S100A13: variants seen among roughly 807,000 people sequenced by gnomAD.
The protein encoded by S100A13 is S100 calcium binding protein A13.
A neutral mutation model predicts 8.2 loss-of-function variants in S100A13; 6 were observed. That is an observed-to-expected ratio of 0.73 (90% CI 0.40 to 1.44). The LOEUF is 1.44. S100A13 is among the 40% of genes most tolerant of loss of function. S100A13 has a pLI of 0.02. For missense variants in S100A13, 114 were observed against 113.6 expected (o/e 1.00, Z -0.02); for synonymous variants, 39 against 45.9 (o/e 0.85, Z 0.61).
At chr1:153,631,953 C>A (rs1668040351), upstream of S100A13, 3 of 1,153,894 alleles carry the variant, frequency 2.6e-6, no homozygotes, top group Non-Finnish European at 3.6e-6. Context: ...CCCTTGCCCA[C>A]CCCACCCCCA....
upstream of S100A13, chr1:153,630,070 C>G (rs774387103): frequency 4.3e-4 from 84 of 193,614 alleles, no homozygotes; most frequent in Non-Finnish European, 7.3e-5. Flanking sequence ...ACACCCCAGC[C>G]CACCACCCTC....
At chr1:153,619,063 T>G in intron 2 of S100A13, 25 bp from the exon 3 acceptor site, 1 of 1,606,758 alleles carries the variant, frequency 6.2e-7, no homozygotes, top group Non-Finnish European at 8.5e-7. Context: ...AAGGGAAGGG[T>G]AGAGTTAGAA....
chr1:153,627,440 A>T (rs1185756511), intron 1 of S100A13, 43 bp downstream of exon 1: 1 of 152,204 alleles, frequency 6.6e-6, no homozygotes, highest in Non-Finnish European at 1.5e-5. Context: ...CAGGAAGAAA[A>T]AATGATCTCC....
rs1557919694 is a variant in S100A13 at position 153,618,979 on chromosome 1, GA to G, written c.212del (p.Leu71ProfsTer9). The G allele has an allele frequency of 6.2e-7, 1 of 1,613,870 alleles. No homozygotes were observed. The highest frequency in any genetic ancestry group is 1.1e-5 in the South Asian group (1 of 91,064). ...TCAATCTCCAGTACTCATTGAACTT[GA>G]GCTCCGAGTCCTGATTCACATCCAA... is the stretch of plus-strand genomic sequence containing the variant. Reference protein sequence around the residue: ...KSLDVNQDSELKFNEYWRLIG... With the variant: ...KSLDVNQDSEXKFNEYWRLIG... On this transcript the variant is annotated frameshift_variant, in exon 3 of 3. Transcript: ENST00000476133. LOFTEE classifies it high-confidence loss of function.
At chr1:153,628,121 C>A, upstream of S100A13, 1 of 1,550,532 alleles carries the variant, frequency 6.4e-7, no homozygotes, top group Admixed American at 2.0e-5. Flanking sequence ...CCCCCCTTAC[C>A]GGGCTCAACC....
At chr1:153,631,592 T>C, upstream of S100A13, 3 of 1,613,776 alleles carry the variant, frequency 1.9e-6, no homozygotes. Context: ...TTCAATGCAG[T>C]TCCTCTCGCT....
At chr1:153,632,921 G>C (rs1283926581), upstream of S100A13, 1 of 152,198 alleles carries the variant, frequency 6.6e-6, no homozygotes, top group Non-Finnish European at 1.5e-5. Context: ...TGTAGTCCCA[G>C]CACTTTGGGA....
upstream of S100A13, chr1:153,630,494 G>A (rs765480396): frequency 9.3e-6 from 15 of 1,612,806 alleles, 1 homozygote; most frequent in Admixed American, 2.0e-4. Flanking sequence ...TCACTTCCAT[G>A]ATGGGGGTGG....
rs745352118 is a variant in S100A13 at position 153,618,946 on chromosome 1, C to T, written c.246G>A (p.Glu82=). ...TCTTCTTCCTGATTTCCTTGGCCAGCTCCCCAATCAATCTCCAGTACTCAT... is the reference window on the plus strand; with the variant it reads ...TCTTCTTCCTGATTTCCTTGGCCAGTTCCCCAATCAATCTCCAGTACTCAT... ...KFNEYWRLIG[E]LAKEIRKKKD... is the part of the protein sequence containing the mutation. The change falls in exon 3 of 3, where the codon GAG becomes GAA. Residue 82 remains glutamate, a synonymous_variant. Transcript: ENST00000476133. The T allele has an allele frequency of 3.7e-6, 6 of 1,613,990 alleles. No homozygotes were observed. The African/African-American group carries it at 8.0e-5, about 22-fold the overall frequency.
intron 2 of S100A13, among the ~76,000 whole-genome samples, chr1:153,624,547 G>GA (rs34952512): frequency 0.057 from 6,164 of 109,084 alleles, 179 homozygotes; most frequent in African/African-American, 0.12. Context: ...TTGAATTTAG[G>GA]AAAAAAAAAA....
chr1:153,631,990 G>C, upstream of S100A13: 1 of 786,930 alleles, frequency 1.3e-6, no homozygotes, highest in Non-Finnish European at 1.9e-6. Flanking sequence ...AAGAGTAGCG[G>C]TCCAAGCCTG....
chr1:153,628,495 C>T (rs1339157401), upstream of S100A13: 3 of 1,550,604 alleles, frequency 1.9e-6, no homozygotes, highest in Non-Finnish European at 1.7e-6. Context: ...CCCAGGCCAA[C>T]CGTGAGTACC....
chr1:153,626,415 A>T lies in S100A13; in HGVS notation c.58T>A (p.Phe20Ile). ...CCCTCCTGCCTTGCAAAGGTGAAGAAGGTGGTGACCACGGTCTCAATGGAC... is the reference window on the plus strand; with the variant it reads ...CCCTCCTGCCTTGCAAAGGTGAAGATGGTGGTGACCACGGTCTCAATGGAC... ...EESIETVVTTFFTFARQEGRK... is the reference protein window; with the variant it reads ...EESIETVVTTIFTFARQEGRK... Residue 20 changes from phenylalanine to isoleucine, a missense_variant, in exon 2 of 3, where the codon TTC (phenylalanine) becomes ATC (isoleucine). Coordinates refer to ENST00000476133, the MANE Select transcript of S100A13 (RefSeq NM_001024211.2). 1 of 1,614,190 alleles carries T rather than the reference A, an allele frequency of 6.2e-7. No individual in the cohort carries two copies. The highest frequency in any genetic ancestry group is 1.6e-4 in the Middle Eastern group (1 of 6,062).
In S100A13 at chr1:153,627,040, C is replaced by T. The variant is rs147570520; in HGVS notation, c.-62+443G>A. 179 of 153,970 alleles carry T rather than the reference C, an allele frequency of 1.2e-3. 1 individual carries two copies. The highest frequency in any genetic ancestry group is 4.2e-3 in the African/African-American group (173 of 41,562). 9.5% of individuals were successfully genotyped at this position (153,970 alleles called of 1,614,324 possible). A position where few individuals can be genotyped will look rare whatever the true frequency, so the allele number is the denominator to read the frequency against. Reference sequence around the variant, plus strand: ...TCCGCCCACACACACTCTAACCGCTCCTCCCAGCAGAGAAGCACAGGGTCT... The same window carrying T: ...TCCGCCCACACACACTCTAACCGCTTCTCCCAGCAGAGAAGCACAGGGTCT... On this transcript the variant is annotated intron_variant, in intron 1 of 2. Transcript: ENST00000476133.
At chr1:153,631,013 G>A (rs74118320), upstream of S100A13, 2,023 of 335,686 alleles carry the variant, frequency 6.0e-3, 47 homozygotes, top group African/African-American at 0.04. Flanking sequence ...TTATTAACCT[G>A]ATTGAAGTCA....
At chr1:153,628,820 C>T, upstream of S100A13, 1 of 367,018 alleles carries the variant, frequency 2.7e-6, no homozygotes, top group Non-Finnish European at 5.0e-6. Flanking sequence ...CTCTGTCTCC[C>T]AGGTGTTGGG....
At chr1:153,628,442 T>G (rs1216422632), upstream of S100A13, 19 of 1,550,502 alleles carry the variant, frequency 1.2e-5, no homozygotes, top group Non-Finnish European at 1.7e-6. Context: ...GCAGCCACAT[T>G]TGCAACCTTG....
At chr1:153,631,604 A>C, upstream of S100A13, 1 of 1,613,782 alleles carries the variant, frequency 6.2e-7, no homozygotes, top group Non-Finnish European at 8.5e-7. Flanking sequence ...CCTCTCGCTC[A>C]TCTTTGCCTC....
chr1:153,619,935 C>G (rs1667126742), intron 2 of S100A13, among the ~76,000 whole-genome samples: 1 of 152,088 alleles, frequency 6.6e-6, no homozygotes, highest in African/African-American at 2.4e-5. Flanking sequence ...AGGATGGCTA[C>G]TGTAACATTA....
Sources: allele counts gnomAD v4.1 joint callset (sites outside exome capture counted in the v4.1 genomes callset), GRCh38; gene constraint gnomAD v4.1.1; transcripts MANE v1.5; gene names NCBI Gene and HGNC (gene_info 2026-07-23, HGNC 2026-07-21).